Variants in RBFOX1 observed in about 807,000 individuals in gnomAD.
RBFOX1 encodes the protein RNA binding protein fox-1 homolog 1.
In RBFOX1, 8 loss-of-function variants were observed where a neutral mutation model predicts 57.7. That is an observed-to-expected ratio of 0.14 (90% CI 0.08 to 0.25). The LOEUF is 0.25. RBFOX1 is among the 10% of genes least tolerant of loss of function. The pLI, the probability that RBFOX1 is intolerant of heterozygous loss-of-function variation, is 1.00. For synonymous variants in RBFOX1, 326 were observed against 222.4 expected, an observed-to-expected ratio of 1.47 and a Z score of -4.15; for missense variants, 611 against 548.5, an observed-to-expected ratio of 1.11 and a Z score of -1.14.
At chr16:6,609,097 C>T (rs185219322) in intron 2 of RBFOX1, among the ~76,000 whole-genome samples, 1 of 152,108 alleles carries the variant, frequency 6.6e-6, no homozygotes, top group East Asian at 1.9e-4. Flanking sequence ...GAATAATTTC[C>T]CTATTTAAGG....
intron 3 of RBFOX1, among the ~76,000 whole-genome samples, chr16:6,875,192 T>C (rs1311333869): frequency 6.6e-6 from 1 of 152,238 alleles, no homozygotes; most frequent in Non-Finnish European, 1.5e-5. Context: ...CTTTGTATTA[T>C]TATAGTGCTA....
chr16:5,335,452 T>A (rs2064871876), intron 1 of RBFOX1, among the ~76,000 whole-genome samples: 1 of 152,190 alleles, frequency 6.6e-6, no homozygotes, highest in Non-Finnish European at 1.5e-5. Context: ...CTTTGCTGTC[T>A]CCTTCCTCTT....
intron 4 of RBFOX1, among the ~76,000 whole-genome samples, chr16:7,206,165 G>A (rs1225971367): frequency 2.0e-5 from 3 of 152,136 alleles, no homozygotes; most frequent in African/African-American, 7.2e-5. Context: ...TTTATTATTG[G>A]AGTAAGTCAG....
chr16:7,637,651 G>A (rs923080090), intron 11 of RBFOX1, among the ~76,000 whole-genome samples: 6 of 152,122 alleles, frequency 3.9e-5, no homozygotes, highest in African/African-American at 1.4e-4. Context: ...ACACATACAG[G>A]TCATTTTGTT....
At chr16:7,475,264 G>C (rs1405020703) in intron 4 of RBFOX1, among the ~76,000 whole-genome samples, 1 of 151,984 alleles carries the variant, frequency 6.6e-6, no homozygotes, top group African/African-American at 2.4e-5. Context: ...CCTTCAAAGG[G>C]AGGAGTGTGC....
chr16:6,610,690 C>G (rs909272677), intron 2 of RBFOX1, among the ~76,000 whole-genome samples: 1 of 152,186 alleles, frequency 6.6e-6, no homozygotes, highest in African/African-American at 2.4e-5. Context: ...TGAAGAAACA[C>G]TGAAAGATCA....
intron 4 of RBFOX1, among the ~76,000 whole-genome samples, chr16:7,492,825 A>G (rs1449834472): frequency 6.6e-6 from 1 of 151,830 alleles, no homozygotes; most frequent in Non-Finnish European, 1.5e-5. Flanking sequence ...TTCACCTTCC[A>G]CCGTGAGTAA....
intron 2 of RBFOX1, among the ~76,000 whole-genome samples, chr16:5,497,264 T>C (rs74475177): frequency 6.6e-6 from 1 of 151,982 alleles, no homozygotes; most frequent in African/African-American, 2.4e-5. Flanking sequence ...ATTTTTTTTT[T>C]CTCAGATAAC....
chr16:5,934,505 T>A (rs541932611), intron 4 of RBFOX1, among the ~76,000 whole-genome samples: 129 of 152,292 alleles, frequency 8.5e-4, no homozygotes, highest in Non-Finnish European at 1.4e-3. Context: ...AGCCAAGATA[T>A]CCTGGCCTAG....
intron 1 of RBFOX1, among the ~76,000 whole-genome samples, chr16:5,250,314 G>T (rs200275906): frequency 3.2e-5 from 2 of 63,482 alleles, no homozygotes; most frequent in African/African-American, 1.3e-4. Context: ...GTGCAGGTTT[G>T]TTACATAGGT....
intron 2 of RBFOX1, among the ~76,000 whole-genome samples, chr16:6,549,920 C>G (rs925837409): frequency 6.6e-6 from 1 of 152,164 alleles, no homozygotes; most frequent in African/African-American, 2.4e-5. Flanking sequence ...GCTCAGTTTG[C>G]TCTGCTTACC....
At chr16:7,362,385 A>C (rs1339642439) in intron 4 of RBFOX1, among the ~76,000 whole-genome samples, 4 of 147,386 alleles carry the variant, frequency 2.7e-5, no homozygotes, top group African/African-American at 1.0e-4. Context: ...GTATGTGTTA[A>C]TGTGTGTGTG....
intron 14 of RBFOX1, among the ~76,000 whole-genome samples, chr16:7,689,920 G>C (rs932234732): frequency 6.6e-6 from 1 of 152,066 alleles, no homozygotes; most frequent in Non-Finnish European, 1.5e-5. Context: ...ACTGTATCAG[G>C]TTTGTGTGGT....
At chr16:5,308,660 G>A (rs559390949) in intron 1 of RBFOX1, among the ~76,000 whole-genome samples, 19 of 151,968 alleles carry the variant, frequency 1.3e-4, no homozygotes, top group South Asian at 6.3e-4. Context: ...TTCTTTTCAG[G>A]GCCGATAGTA....
chr16:5,624,739 G>A (rs2048300155), intron 3 of RBFOX1, among the ~76,000 whole-genome samples: 1 of 152,254 alleles, frequency 6.6e-6, no homozygotes, highest in African/African-American at 2.4e-5. Flanking sequence ...ACCAATGCGG[G>A]GTGACAGGTC....
chr16:6,698,189 C>T (rs766305682), intron 3 of RBFOX1, among the ~76,000 whole-genome samples: 5 of 152,118 alleles, frequency 3.3e-5, no homozygotes, highest in African/African-American at 4.8e-5. Context: ...ATTTTACTTT[C>T]CCTCGTGCTC....
chr16:7,531,152 G>C (rs930465925), intron 5 of RBFOX1, among the ~76,000 whole-genome samples: 1 of 152,146 alleles, frequency 6.6e-6, no homozygotes, highest in Non-Finnish European at 1.5e-5. Context: ...AAAAAAATAT[G>C]TAGAGTTGCA....
At chr16:6,957,116 T>TTATTTTTATTTATTTA (rs1555677707) in intron 3 of RBFOX1, among the ~76,000 whole-genome samples, 15 of 139,244 alleles carry the variant, frequency 1.1e-4, no homozygotes, top group Non-Finnish European at 2.3e-4. Context: ...TTATTTTTAT[T>TTATTTTTATTTATTTA]TTTATTTATT....
At position 7,309,556 on chromosome 16, in the gene RBFOX1, C is replaced by T. The variant is rs117995017; in HGVS notation, c.28-208591C>T. 1.5e-4 allele frequency among the ~76,000 whole-genome samples: 23 copies of T among 152,304 alleles called. No individual in the cohort carries two copies. In the East Asian group the frequency reaches 3.9e-3, roughly 26 times the overall value. On this transcript the variant is annotated intron_variant, in intron 4 of 15. Transcript: ENST00000550418. ...GTCTGTGTTATTAGTGCTCACCCGC[C>T]ATCTGTTTTCCTTACAGCTGACCCT...
Sources: allele counts gnomAD v4.1 joint callset (sites outside exome capture counted in the v4.1 genomes callset), GRCh38; gene constraint gnomAD v4.1.1; transcripts MANE v1.5; gene names NCBI Gene and HGNC (gene_info 2026-07-23, HGNC 2026-07-21).